PLEKHS1: variants seen among roughly 807,000 people sequenced by gnomAD.
PLEKHS1 encodes pleckstrin homology domain-containing family S member 1.
In PLEKHS1, 55 loss-of-function variants were observed where a neutral mutation model predicts 51.0. That is an observed-to-expected ratio of 1.08 (90% CI 0.87 to 1.35). PLEKHS1 has a LOEUF of 1.35. Ranked by LOEUF, PLEKHS1 falls within the 40% of genes most tolerant of loss-of-function variation. The pLI is 0.00. For missense variants in PLEKHS1, 398 were observed against 423.0 expected (o/e 0.94, Z 0.52); for synonymous variants, 153 against 144.8 (o/e 1.06, Z -0.41).
chr10:113,777,721 C>T lies in PLEKHS1; in HGVS notation c.1091+1855C>T, dbSNP rs970284975. On this transcript the variant is annotated intron_variant, in intron 11 of 11. Coordinates refer to ENST00000361048, the Ensembl canonical transcript of PLEKHS1. The stretch of plus-strand genomic sequence containing the variant: ...AAGCTACTAGTTACTTTTACTTCTA[C>T]TACAACTGACCATGGAATGTTATTC... 4 of 1,497,086 alleles carry T rather than the reference C, an allele frequency of 2.7e-6. No individual in the cohort carries two copies. The African/African-American group carries it at 4.2e-5, about 16-fold the overall frequency. The allele number at this position is 1,497,086 out of a possible 1,614,324, so 92.7% of individuals were successfully genotyped here.
chr10:113,759,046 A>G (rs1449120953), intron 2 of PLEKHS1, among the ~76,000 whole-genome samples: 1 of 152,200 alleles, frequency 6.6e-6, no homozygotes, highest in Non-Finnish European at 1.5e-5. Context: ...AGCACAATAA[A>G]GTGAAGTGCA....
At position 113,766,621 on chromosome 10, in the gene PLEKHS1, A is replaced by G. The variant is rs770120866; in HGVS notation, c.127A>G (p.Lys43Glu). The G allele has an allele frequency of 1.9e-6, 3 of 1,607,808 alleles. No individual in the cohort carries two copies. Among genetic ancestry groups the G allele is most frequent in the Middle Eastern group, 1.7e-4 (1 of 6,060 alleles). ...TCTTTTTATTTTTCAGACCTCTTGG[A>G]AAAAGCGGTTTTTCATCCTGTCAAA... is the stretch of plus-strand genomic sequence containing the variant. Residue 43 changes from lysine to glutamate, a missense_variant, in exon 4 of 12, where the codon AAA becomes GAA. Lys to Glu is a moderately conservative substitution (Grantham distance 56). Transcript: ENST00000361048.
At chr10:113,776,825 T>G (rs1277772803) in intron 11 of PLEKHS1, among the ~76,000 whole-genome samples, 3 of 152,116 alleles carry the variant, frequency 2.0e-5, no homozygotes, top group Non-Finnish European at 2.9e-5. Context: ...TTTAAAAATG[T>G]AACAAATCAG....
intron 11 of PLEKHS1, 71 bp downstream of exon 11, chr10:113,775,937 G>C: frequency 8.4e-7 from 1 of 1,187,522 alleles, no homozygotes; most frequent in East Asian, 2.5e-5. Context: ...ATTACATCTT[G>C]AAACAGTGTA....
intron 1 of PLEKHS1, among the ~76,000 whole-genome samples, chr10:113,754,585 A>G (rs1205223708): frequency 6.6e-6 from 1 of 152,010 alleles, no homozygotes; most frequent in Non-Finnish European, 1.5e-5. Context: ...CGACTCTCCT[A>G]CCTCAGCCTC....
Position 113,762,178 on chromosome 10 carries a change from T to C in PLEKHS1, c.29-4233T>C, listed in dbSNP as rs12248175. On this transcript the variant is annotated intron_variant, in intron 2 of 11. Transcript: ENST00000361048. ...TATGTCCCCTCTCTCCTCCTAATATTGGCAAATTGTGTTTTCTCTCCAGTT... is the reference window on the plus strand; with the variant it reads ...TATGTCCCCTCTCTCCTCCTAATATCGGCAAATTGTGTTTTCTCTCCAGTT... 8.3e-4 allele frequency among the ~76,000 whole-genome samples: 126 copies of C among 151,942 alleles called. 1 individual carries two copies. The highest frequency in any genetic ancestry group is 1.4e-3 in the Non-Finnish European group (94 of 67,848).
intron 6 of PLEKHS1, 72 bp from the exon 7 acceptor site, chr10:113,769,712 G>T (rs566832459): frequency 8.6e-6 from 8 of 926,406 alleles, no homozygotes; most frequent in Non-Finnish European, 1.4e-5. Flanking sequence ...CAAGGAGCCC[G>T]GTAGAGAGGC....
At chr10:113,757,633 G>A (rs1012641628) in intron 2 of PLEKHS1, among the ~76,000 whole-genome samples, 3 of 152,160 alleles carry the variant, frequency 2.0e-5, no homozygotes, top group Non-Finnish European at 4.4e-5. Flanking sequence ...CTGAAGATGC[G>A]CTGGCTGTGG....
intron 5 of PLEKHS1, among the ~76,000 whole-genome samples, chr10:113,768,170 G>T (rs1449602775): frequency 6.6e-6 from 1 of 152,130 alleles, no homozygotes; most frequent in Non-Finnish European, 1.5e-5. Context: ...CATATATTAG[G>T]GAGGAACTAG....
At chr10:113,769,219 A>G (rs1844293218) in intron 6 of PLEKHS1, among the ~76,000 whole-genome samples, 2 of 152,240 alleles carry the variant, frequency 1.3e-5, no homozygotes, top group African/African-American at 4.8e-5. Context: ...CTTTTGAATG[A>G]CTAAGTCTAG....
intron 8 of PLEKHS1, among the ~76,000 whole-genome samples, chr10:113,773,001 G>C (rs1370576495): frequency 2.0e-5 from 3 of 152,226 alleles, no homozygotes; most frequent in African/African-American, 2.4e-5. Context: ...ATGGAAGTGA[G>C]AGATAGGAAG....
exon 12 of PLEKHS1, chr10:113,781,345 C>G (rs920352541): frequency 3.6e-5 from 3 of 83,512 alleles, no homozygotes; most frequent in African/African-American, 1.3e-4. Flanking sequence ...ACACCTCTTT[C>G]CCAAACACCT....
intron 5 of PLEKHS1, among the ~76,000 whole-genome samples, chr10:113,768,287 C>T (rs750570631): frequency 2.6e-5 from 4 of 152,096 alleles, no homozygotes; most frequent in African/African-American, 7.2e-5. Context: ...AGAGGCAAAG[C>T]GGGTGTGGGA....
rs1346743866 is a variant in PLEKHS1 at position 113,766,440 on chromosome 10, G to T, written c.58G>T (p.Glu20Ter). 5 of 1,594,106 alleles carry T rather than the reference G, an allele frequency of 3.1e-6. No homozygotes were observed. The African/African-American group carries it at 5.4e-5, about 17-fold the overall frequency. The change falls in exon 3 of 12, where the codon GAA becomes TAA. Residue 20 changes from glutamate (E) to a stop codon, truncating the protein, a stop_gained. Transcript: ENST00000361048. LOFTEE classifies it high-confidence loss of function. ...ACAATTTACATTTTCTTATGAAAAT[G>T]AAGTCTGCAAACAAGATTACTTTAT...
At chr10:113,774,172 G>A (rs1844542767) in intron 8 of PLEKHS1, 55 bp from the exon 9 acceptor site, 2 of 1,043,358 alleles carry the variant, frequency 1.9e-6, no homozygotes, top group African/African-American at 1.6e-5. Context: ...GAAATAAGAA[G>A]GTACCTGACT....
rs7071942 is a variant in PLEKHS1, at chr10:113,777,833, T to C, written c.1091+1967T>C. The stretch of plus-strand genomic sequence containing the variant: ...CATAGAATATTGCAAGAATTAAACA[T>C]AATATGTGGTGCTGGGCACGGTGGC... On this transcript the variant is annotated intron_variant, in intron 11 of 11. Coordinates refer to ENST00000361048, the Ensembl canonical transcript of PLEKHS1. 3.4e-3 allele frequency: 4,610 copies of C among 1,355,482 alleles called. 146 individuals are homozygous for C. The African/African-American group carries it at 0.062, about 18-fold the overall frequency. The allele number at this position is 1,355,482 out of a possible 1,614,324, so 84.0% of individuals were successfully genotyped here.
chr10:113,753,274 C>A (rs185079550), intron 1 of PLEKHS1, among the ~76,000 whole-genome samples: 1 of 152,138 alleles, frequency 6.6e-6, no homozygotes, highest in Non-Finnish European at 1.5e-5. Context: ...GGTTGAAAAC[C>A]GCTTGTCCCC....
At chr10:113,769,636 C>T in intron 6 of PLEKHS1, 148 bp from the exon 7 acceptor site, 1 of 673,206 alleles carries the variant, frequency 1.5e-6, no homozygotes, top group Admixed American at 2.2e-5. Flanking sequence ...CGGCTCTTGT[C>T]TTGGTGAAAT....
intron 2 of PLEKHS1, among the ~76,000 whole-genome samples, chr10:113,763,820 T>C (rs987440757): frequency 1.3e-5 from 2 of 152,180 alleles, no homozygotes; most frequent in African/African-American, 4.8e-5. Flanking sequence ...CAGTTAATGT[T>C]TTAATGTTTT....
Sources: gnomAD v4.1 joint callset for allele counts (sites outside exome capture counted in the v4.1 genomes callset) on GRCh38, gnomAD v4.1.1 for gene constraint, MANE v1.5 for transcripts, NCBI Gene and HGNC (gene_info 2026-07-23, HGNC 2026-07-21) for gene names.